SLC24A2: variants seen among roughly 807,000 people sequenced by gnomAD.
SLC24A2 encodes the protein sodium/potassium/calcium exchanger 2.
In SLC24A2, 36 loss-of-function variants were observed where a neutral mutation model predicts 62.0. That is an observed-to-expected ratio of 0.58 (90% CI 0.44 to 0.77). The LOEUF is 0.77. SLC24A2 is among the 30% of genes least tolerant of loss of function. The probability of loss-of-function intolerance (pLI) is 0.00; values close to 1 mark genes in which losing one functional copy is unlikely to be tolerated. For missense variants in SLC24A2, 846 were observed against 817.9 expected (o/e 1.03, Z -0.42); for synonymous variants, 358 against 294.0 (o/e 1.22, Z -2.23).
At chr9:19,961,980 G>C in the SLC24A2 span, among the ~76,000 whole-genome samples, 1 of 152,186 alleles carries the variant, frequency 6.6e-6, no homozygotes, top group African/African-American at 2.4e-5. Context: ...GAAACTATGA[G>C]ATAATATATG....
the SLC24A2 span, among the ~76,000 whole-genome samples, chr9:20,087,178 G>T: frequency 2.0e-5 from 3 of 152,176 alleles, no homozygotes; most frequent in East Asian, 3.9e-4. Context: ...AGTTCATTCT[G>T]GTCCCAAATG....
At chr9:20,213,042 G>T in the SLC24A2 span, among the ~76,000 whole-genome samples, 6 of 151,732 alleles carry the variant, frequency 4.0e-5, no homozygotes, top group South Asian at 8.3e-4. Flanking sequence ...GGGTGGGGAG[G>T]GAGAGCATCA....
At position 19,533,352 on chromosome 9, in the gene SLC24A2, A is replaced by G. The variant is rs564164170; in HGVS notation, c.1480-5214T>C. On this transcript the variant is annotated intron_variant, in intron 8 of 10. Coordinates refer to ENST00000341998, the MANE Select transcript of SLC24A2 (RefSeq NM_020344.4). ...TCAAGAGGTCCCTGTGGAAGCACATAAGTTCTATGGTGGACTGCAAAAATG... is the reference window on the plus strand; with the variant it reads ...TCAAGAGGTCCCTGTGGAAGCACATGAGTTCTATGGTGGACTGCAAAAATG... 1.2e-3 allele frequency among the ~76,000 whole-genome samples: 182 copies of G among 152,252 alleles called. 1 individual carries two copies. Among genetic ancestry groups the G allele is most frequent in the African/African-American group, 4.1e-3 (171 of 41,546 alleles).
intron 2 of SLC24A2, among the ~76,000 whole-genome samples, chr9:19,713,305 T>C (rs1278060150): frequency 6.6e-6 from 1 of 152,114 alleles, no homozygotes; most frequent in Non-Finnish European, 1.5e-5. Context: ...AATGGACACA[T>C]GTCACAAGCA....
At chr9:20,024,022 C>A in the SLC24A2 span, among the ~76,000 whole-genome samples, 19 of 152,172 alleles carry the variant, frequency 1.2e-4, no homozygotes, top group Admixed American at 1.2e-3. Context: ...TGCATTTCCA[C>A]GGAAACGCTT....
chr9:19,743,106 T>A (rs1821727929), intron 2 of SLC24A2, among the ~76,000 whole-genome samples: 2 of 151,772 alleles, frequency 1.3e-5, no homozygotes, highest in East Asian at 3.9e-4. Flanking sequence ...AGGAATTGTG[T>A]GCTTAACAAC....
intron 2 of SLC24A2, among the ~76,000 whole-genome samples, chr9:19,702,629 A>C (rs919645327): frequency 1.3e-5 from 2 of 152,190 alleles, no homozygotes; most frequent in Non-Finnish European, 1.5e-5. Context: ...TGCGTCTTGC[A>C]TTATAGTTGG....
the SLC24A2 span, among the ~76,000 whole-genome samples, chr9:20,041,926 C>T: frequency 5.9e-5 from 9 of 152,350 alleles, no homozygotes; most frequent in East Asian, 1.9e-4. Context: ...CTGCCGAGAG[C>T]CCCCCTTTCT....
At chr9:20,194,149 C>G in the SLC24A2 span, among the ~76,000 whole-genome samples, 1 of 151,684 alleles carries the variant, frequency 6.6e-6, no homozygotes, top group African/African-American at 2.4e-5. Flanking sequence ...CTGGACAAAT[C>G]AAGGATTTAG....
chr9:20,008,816 C>A, the SLC24A2 span, among the ~76,000 whole-genome samples: 2 of 152,142 alleles, frequency 1.3e-5, no homozygotes, highest in African/African-American at 2.4e-5. Context: ...GCACTCAGGG[C>A]CTTCAGTTTC....
the SLC24A2 span, among the ~76,000 whole-genome samples, chr9:19,798,012 G>T: frequency 6.6e-6 from 1 of 152,080 alleles, no homozygotes; most frequent in South Asian, 2.1e-4. Flanking sequence ...TTATCTTACA[G>T]TTCTTTAGGT....
At chr9:19,997,939 C>G in the SLC24A2 span, among the ~76,000 whole-genome samples, 1 of 152,032 alleles carries the variant, frequency 6.6e-6, no homozygotes, top group Non-Finnish European at 1.5e-5. Context: ...TGGCTCTTTC[C>G]AATAGGCCCT....
the SLC24A2 span, among the ~76,000 whole-genome samples, chr9:19,966,977 G>A: frequency 6.6e-6 from 1 of 152,166 alleles, no homozygotes; most frequent in Non-Finnish European, 1.5e-5. Flanking sequence ...AAATTCTAAG[G>A]TAGGTGTTTG....
At chr9:19,811,666 G>A in the SLC24A2 span, among the ~76,000 whole-genome samples, 23 of 151,952 alleles carry the variant, frequency 1.5e-4, no homozygotes, top group South Asian at 2.5e-3. Flanking sequence ...TAATTTCAGC[G>A]TGCATCCTCA....
chr9:19,654,617 G>A (rs142448389), intron 2 of SLC24A2, among the ~76,000 whole-genome samples: 17 of 152,106 alleles, frequency 1.1e-4, no homozygotes, highest in African/African-American at 3.4e-4. Context: ...ACATTTGTCC[G>A]GCAGGTCTGG....
the SLC24A2 span, among the ~76,000 whole-genome samples, chr9:20,055,299 G>A: frequency 1.3e-5 from 2 of 152,150 alleles, no homozygotes; most frequent in Non-Finnish European, 2.9e-5. Context: ...TTAAAATTTA[G>A]GCAAAATTGA....
At chr9:20,095,479 T>C in the SLC24A2 span, among the ~76,000 whole-genome samples, 1 of 152,200 alleles carries the variant, frequency 6.6e-6, no homozygotes, top group African/African-American at 2.4e-5. Flanking sequence ...CCTCATCCTA[T>C]CAGTTGAGCC....
chr9:19,990,615 AC>A, the SLC24A2 span, among the ~76,000 whole-genome samples: 16 of 100,538 alleles, frequency 1.6e-4, no homozygotes, highest in Admixed American at 4.4e-4. Flanking sequence ...ACCTAAAAAA[AC>A]AAAAAAAAAA....
At position 19,528,314 on chromosome 9, in the gene SLC24A2, C is replaced by G. The variant is rs3824367; in HGVS notation, c.1480-176G>C. On this transcript the variant is annotated intron_variant, in intron 8 of 10. Transcript: ENST00000341998. ...ATCAAGCTGGGACAGTAAGATTCTC[C>G]CTTGGAGATGTGAAATTGATAGGAA... Among the ~76,000 whole-genome samples, 56 of 152,232 alleles carry G rather than the reference C, an allele frequency of 3.7e-4. No individual in the cohort carries two copies. The East Asian group carries it at 0.011, about 29-fold the overall frequency.
Sources: allele counts gnomAD v4.1 joint callset (sites outside exome capture counted in the v4.1 genomes callset), GRCh38; gene constraint gnomAD v4.1.1; transcripts MANE v1.5; gene names NCBI Gene and HGNC (gene_info 2026-07-23, HGNC 2026-07-21).